TRAF3IP1: variants seen among roughly 807,000 people sequenced by gnomAD.
The protein encoded by TRAF3IP1 is TRAF3-interacting protein 1.
In TRAF3IP1, 53 loss-of-function variants were observed where a neutral mutation model predicts 89.9. That is an observed-to-expected ratio of 0.59 (90% CI 0.47 to 0.74). The LOEUF is 0.74. Ranked by LOEUF, TRAF3IP1 falls within the 30% of genes least tolerant of loss-of-function variation. The pLI is 0.00. For synonymous variants in TRAF3IP1, 311 were observed against 322.1 expected (o/e 0.97, Z 0.37); for missense variants, 806 against 866.1 (o/e 0.93, Z 0.87).
intron 13 of TRAF3IP1, 40 bp from the exon 14 acceptor site, chr2:238,353,133 A>C (rs1699247587): frequency 6.2e-7 from 1 of 1,613,150 alleles, no homozygotes; most frequent in Non-Finnish European, 8.5e-7. Flanking sequence ...AAAATTCAAC[A>C]AGCCTGAATC....
At chr2:238,327,449 C>T (rs1034646121) in intron 3 of TRAF3IP1, among the ~76,000 whole-genome samples, 2 of 152,176 alleles carry the variant, frequency 1.3e-5, no homozygotes, top group Non-Finnish European at 2.9e-5. Context: ...GGAATGAGTG[C>T]GTGAGTCAGT....
At chr2:238,361,049 CTT>C (rs369769728) in intron 15 of TRAF3IP1, among the ~76,000 whole-genome samples, 1 of 143,386 alleles carries the variant, frequency 7.0e-6, no homozygotes, top group Non-Finnish European at 1.5e-5. Flanking sequence ...ATTTAAAAAA[CTT>C]TTTTTTTTTT....
chr2:238,354,999 T>C (rs1699346941), intron 14 of TRAF3IP1, among the ~76,000 whole-genome samples: 1 of 151,982 alleles, frequency 6.6e-6, no homozygotes, highest in Admixed American at 6.6e-5. Context: ...GTTGGGTATA[T>C]CCTATTAGGG....
At chr2:238,331,595 C>T (rs1231032436) in intron 5 of TRAF3IP1, among the ~76,000 whole-genome samples, 1 of 152,146 alleles carries the variant, frequency 6.6e-6, no homozygotes, top group Non-Finnish European at 1.5e-5. Flanking sequence ...TGATTTTTTC[C>T]TACTCGAGGC....
intron 15 of TRAF3IP1, among the ~76,000 whole-genome samples, chr2:238,388,593 CTTTT>C (rs752954955): frequency 9.6e-6 from 1 of 104,196 alleles, no homozygotes; most frequent in East Asian, 2.8e-4. Flanking sequence ...AAGAACACAA[CTTTT>C]TTTTTTTTTT....
In TRAF3IP1 at chr2:238,399,147, C is replaced by T; in HGVS notation, c.*228C>T. ...GAATACTGGCTAGTTATAAATAGCG[C>T]TTCCAAACACCTCTGTGAAAAGTTT... On this transcript the variant is annotated 3_prime_UTR_variant, in exon 17 of 17. Transcript: ENST00000373327. 1 of 423,266 alleles carries T rather than the reference C, an allele frequency of 2.4e-6. No homozygotes were observed. The highest frequency in any genetic ancestry group is 4.2e-6 in the Non-Finnish European group (1 of 240,598). The allele number at this position is 423,266 out of a possible 1,614,324, so 26.2% of individuals were successfully genotyped here. A position where few individuals can be genotyped will look rare whatever the true frequency, so the allele number is the denominator to read the frequency against.
intron 8 of TRAF3IP1, among the ~76,000 whole-genome samples, 188 bp from the exon 9 acceptor site, chr2:238,344,309 C>T (rs1394555922): frequency 6.6e-6 from 1 of 152,000 alleles, no homozygotes; most frequent in Non-Finnish European, 1.5e-5. Context: ...ACCCCAGAGC[C>T]GCCCATGGGG....
At chr2:238,367,932 G>A (rs1049051911) in intron 15 of TRAF3IP1, among the ~76,000 whole-genome samples, 5 of 151,902 alleles carry the variant, frequency 3.3e-5, no homozygotes, top group Admixed American at 1.3e-4. Context: ...AACTTATTTC[G>A]AGAATTATTT....
chr2:238,320,930 G>A (rs1398568577), intron 1 of TRAF3IP1, 145 bp downstream of exon 1: 4 of 637,368 alleles, frequency 6.3e-6, no homozygotes, highest in Non-Finnish European at 8.6e-6. Flanking sequence ...CGGAGTCGGG[G>A]CCCGGGCCGG....
At chr2:238,365,843 T>C (rs967237342) in intron 15 of TRAF3IP1, among the ~76,000 whole-genome samples, 6 of 152,220 alleles carry the variant, frequency 3.9e-5, no homozygotes, top group African/African-American at 1.2e-4. Flanking sequence ...AATAAGGTGA[T>C]AGTTTTATGT....
chr2:238,393,243 T>C (rs1408952138), intron 15 of TRAF3IP1, among the ~76,000 whole-genome samples: 1 of 152,244 alleles, frequency 6.6e-6, no homozygotes, highest in African/African-American at 2.4e-5. Flanking sequence ...GATTGTTGTG[T>C]GGTGATGGCT....
intron 8 of TRAF3IP1, among the ~76,000 whole-genome samples, chr2:238,344,273 A>G (rs1328827985): frequency 6.6e-6 from 1 of 152,120 alleles, no homozygotes; most frequent in African/African-American, 2.4e-5. Flanking sequence ...GGATCCACTC[A>G]TAGTCTGGGG....
intron 5 of TRAF3IP1, among the ~76,000 whole-genome samples, chr2:238,330,936 C>T (rs1337750530): frequency 6.6e-6 from 1 of 152,144 alleles, no homozygotes; most frequent in African/African-American, 2.4e-5. Flanking sequence ...AAGACATTCC[C>T]CATCTTTTGC....
At chr2:238,380,559 ATCT>A (rs1700503558) in intron 15 of TRAF3IP1, among the ~76,000 whole-genome samples, 1 of 152,128 alleles carries the variant, frequency 6.6e-6, no homozygotes, top group Non-Finnish European at 1.5e-5. Context: ...CACTCACAGC[ATCT>A]TCTTCTCGAG....
intron 15 of TRAF3IP1, among the ~76,000 whole-genome samples, chr2:238,378,060 C>T (rs1700392613): frequency 6.6e-6 from 1 of 151,850 alleles, no homozygotes; most frequent in Admixed American, 6.6e-5. Context: ...ACCAATATTA[C>T]TTACTTAGGC....
intron 15 of TRAF3IP1, among the ~76,000 whole-genome samples, chr2:238,374,917 A>T (rs1419570065): frequency 6.6e-6 from 1 of 152,120 alleles, no homozygotes; most frequent in African/African-American, 2.4e-5. Context: ...TTATTTGTGT[A>T]GAGGTGTTTA....
intron 15 of TRAF3IP1, among the ~76,000 whole-genome samples, chr2:238,371,012 T>C (rs1700089161): frequency 6.6e-6 from 1 of 152,236 alleles, no homozygotes; most frequent in African/African-American, 2.4e-5. Context: ...TCTCTTGTAA[T>C]GTGGTTTTCT....
At chr2:238,376,711 T>C (rs1700331223) in intron 15 of TRAF3IP1, among the ~76,000 whole-genome samples, 1 of 152,222 alleles carries the variant, frequency 6.6e-6, no homozygotes. Flanking sequence ...ATAAATACTG[T>C]ATATTTATTT....
At chr2:238,375,193 G>C (rs1045672136) in intron 15 of TRAF3IP1, among the ~76,000 whole-genome samples, 2 of 152,024 alleles carry the variant, frequency 1.3e-5, no homozygotes, top group African/African-American at 2.4e-5. Context: ...GTTTGCTCTT[G>C]CTTCTCTCAT....
Sources: allele counts gnomAD v4.1 joint callset (sites outside exome capture counted in the v4.1 genomes callset), GRCh38; gene constraint gnomAD v4.1.1; transcripts MANE v1.5; gene names NCBI Gene and HGNC (gene_info 2026-07-23, HGNC 2026-07-21).